OMA1: variants seen among roughly 807,000 people sequenced by gnomAD.
The protein encoded by OMA1 is OMA1 zinc metallopeptidase, also known as metalloendopeptidase OMA1, mitochondrial.
OMA1 carries 38 observed loss-of-function variants against 30.9 expected under a neutral mutation model. The observed-to-expected ratio is 1.23, with a 90% CI of 0.95 to 1.61. The LOEUF (loss-of-function observed/expected upper bound fraction) is 1.61, where lower values mean the gene tolerates loss of function less well. OMA1 is among the 40% of genes most tolerant of loss of function. OMA1 has a pLI of 0.00. For missense variants in OMA1, 461 were observed against 349.2 expected (o/e 1.32, Z -2.55); for synonymous variants, 173 against 121.9 (o/e 1.42, Z -2.76).
chr1:58,509,636 AG>A (rs777333177), intron 7 of OMA1, among the ~76,000 whole-genome samples: 44 of 151,548 alleles, frequency 2.9e-4, no homozygotes, highest in Non-Finnish European at 5.5e-4. Context: ...AGTTTACAGA[AG>A]GAGGGAAATA....
Position 58,505,981 on chromosome 1 carries a change from A to G in OMA1, c.1365+79T>C, listed in dbSNP as rs1645982384. 5.4e-6 allele frequency: 4 copies of G among 744,536 alleles called. No homozygotes were observed. In the South Asian group the frequency reaches 7.1e-5, roughly 13 times the overall value. 46.1% of individuals were successfully genotyped at this position (744,536 alleles called of 1,614,324 possible). ...AGTTAATAGGCTAGAACTCTCTTTT[A>G]CTAAGCAAAAGAAGTGACAGCATTA... On this transcript the variant is annotated intron_variant, in intron 8 of 8. Transcript: ENST00000371226.
chr1:58,502,404 T>C (rs1021744169), intron 8 of OMA1, among the ~76,000 whole-genome samples: 2 of 152,228 alleles, frequency 1.3e-5, no homozygotes, highest in Admixed American at 1.3e-4. Context: ...AACTCATCCA[T>C]TCTCATTGCT....
chr1:58,504,769 C>T (rs986054118), intron 8 of OMA1, among the ~76,000 whole-genome samples: 3 of 152,090 alleles, frequency 2.0e-5, no homozygotes, highest in South Asian at 2.1e-4. Context: ...AACTGCATAC[C>T]GTTTTTATTT....
At position 58,481,201 on chromosome 1, in the gene OMA1, AT is replaced by A. The variant is rs753317088; in HGVS notation, c.1366-28del. On this transcript the variant is annotated intron_variant, in intron 8 of 8. Coordinates refer to ENST00000371226, the MANE Select transcript of OMA1 (RefSeq NM_145243.5). ...TATAAAGAAATAATAAAATAAAAAAATACTATATATATACATCAATGTATTC... is the reference window on the plus strand; with the variant it reads ...TATAAAGAAATAATAAAATAAAAAAAACTATATATATACATCAATGTATTC... 215 of 723,140 alleles carry A rather than the reference AT, an allele frequency of 3.0e-4. 1 individual carries two copies. The highest frequency in any genetic ancestry group is 1.7e-4 in the Admixed American group (7 of 42,132). The allele number at this position is 723,140 out of a possible 1,614,324, so 44.8% of individuals were successfully genotyped here.
intron 8 of OMA1, among the ~76,000 whole-genome samples, chr1:58,495,700 A>AT (rs1645788404): frequency 6.9e-6 from 1 of 144,522 alleles, no homozygotes. Flanking sequence ...ATCTTCCACC[A>AT]TAAAAAAAAA....
intron 8 of OMA1, among the ~76,000 whole-genome samples, chr1:58,501,355 T>G (rs912250165): frequency 5.3e-5 from 8 of 152,214 alleles, no homozygotes; most frequent in Non-Finnish European, 4.4e-5. Flanking sequence ...AAAATTATAT[T>G]ATGGTACTGT....
chr1:58,494,453 A>G (rs1460982295), intron 8 of OMA1, among the ~76,000 whole-genome samples: 1 of 152,228 alleles, frequency 6.6e-6, no homozygotes, highest in Non-Finnish European at 1.5e-5. Context: ...CTGCACAGCA[A>G]AAGAAACTAC....
At chr1:58,533,240 G>A (rs1028623891) in intron 5 of OMA1, among the ~76,000 whole-genome samples, 3 of 152,148 alleles carry the variant, frequency 2.0e-5, no homozygotes, top group African/African-American at 4.8e-5. Flanking sequence ...TAAGAAAAGC[G>A]CTGCTAAAAA....
At chr1:58,506,393 C>T (rs368019744) in intron 7 of OMA1, among the ~76,000 whole-genome samples, 184 bp from the exon 8 acceptor site, 5 of 152,128 alleles carry the variant, frequency 3.3e-5, no homozygotes, top group Non-Finnish European at 7.4e-5. Flanking sequence ...CCCATTAACT[C>T]GTCATTTAGC....
At chr1:58,489,248 A>G (rs1345996151) in intron 8 of OMA1, among the ~76,000 whole-genome samples, 1 of 152,178 alleles carries the variant, frequency 6.6e-6, no homozygotes, top group Non-Finnish European at 1.5e-5. Context: ...CCACCCTAAT[A>G]CTGCAATTTT....
chr1:58,541,442 T>G, intron 1 of OMA1: 1 of 136,786 alleles, frequency 7.3e-6, no homozygotes, highest in Non-Finnish European at 1.6e-5. Context: ...GCTTGAGGAG[T>G]TGTAGGAAAA....
intron 7 of OMA1, among the ~76,000 whole-genome samples, chr1:58,507,838 T>C (rs965667540): frequency 8.5e-5 from 13 of 152,124 alleles, no homozygotes; most frequent in Non-Finnish European, 1.6e-4. Context: ...TTAACAAGTA[T>C]TCTTCTCAAA....
chr1:58,543,608 G>A (rs1010193887), intron 1 of OMA1, among the ~76,000 whole-genome samples: 2 of 151,992 alleles, frequency 1.3e-5, no homozygotes, highest in South Asian at 2.1e-4. Context: ...TGCAAACCCT[G>A]GCAACAGAAT....
At position 58,515,784 on chromosome 1, in the gene OMA1, T is replaced by C. The variant is rs1255187204; in HGVS notation, c.1216-9575A>G. ...TAAGGGTCTTCCTACTAACTAGGTA[T>C]AGGTTATTAGATAAATCACTTTACA... On this transcript the variant is annotated intron_variant, in intron 7 of 8. Transcript: ENST00000371226. Among the ~76,000 whole-genome samples the C allele has an allele frequency of 2.6e-5, 4 of 152,320 alleles. No individual in the cohort carries two copies. The East Asian group carries it at 7.7e-4, about 29-fold the overall frequency.
intron 7 of OMA1, among the ~76,000 whole-genome samples, chr1:58,525,812 A>G (rs2100462313): frequency 6.6e-6 from 1 of 152,246 alleles, no homozygotes; most frequent in Non-Finnish European, 1.5e-5. Flanking sequence ...AGGTATCAAC[A>G]CTTACTACAA....
rs187746863 is a variant in OMA1 at position 58,528,317 on chromosome 1, T to C, written c.1141-982A>G. The stretch of plus-strand genomic sequence containing the variant: ...TAACTTATTGTTAACCCTGAGCTAA[T>C]TGTTTAACCCTGCTAAACCCAGTAG... On this transcript the variant is annotated intron_variant, in intron 6 of 8. Transcript: ENST00000371226. 1.6e-4 allele frequency among the ~76,000 whole-genome samples: 25 copies of C among 152,342 alleles called. No individual in the cohort carries two copies. The East Asian group carries it at 1.7e-3, about 11-fold the overall frequency.
chr1:58,517,002 T>C (rs1046775111), intron 7 of OMA1, among the ~76,000 whole-genome samples: 14 of 152,132 alleles, frequency 9.2e-5, no homozygotes, highest in Non-Finnish European at 1.3e-4. Context: ...AATGCTACAA[T>C]GGCAAGAAGT....
chr1:58,529,655 C>T (rs1646402561), intron 6 of OMA1, among the ~76,000 whole-genome samples: 1 of 152,150 alleles, frequency 6.6e-6, no homozygotes, highest in Non-Finnish European at 1.5e-5. Context: ...CATTAAAACC[C>T]AAATACAGTT....
In OMA1 at chr1:58,480,775, CAT is replaced by C. The variant is rs1645466093; in HGVS notation, c.*188_*189del. The stretch of plus-strand genomic sequence containing the variant: ...ATTTTCCTCATTGAAGATATTTTAA[CAT>C]AGATTAAAATACATCAATATTTCAT... On this transcript the variant is annotated 3_prime_UTR_variant, in exon 9 of 9. Coordinates refer to ENST00000371226, the MANE Select transcript of OMA1 (RefSeq NM_145243.5). The C allele has an allele frequency of 4.5e-6, 2 of 447,266 alleles. No homozygotes were observed. Among genetic ancestry groups the C allele is most frequent in the Non-Finnish European group, 7.7e-6 (2 of 258,732 alleles). 27.7% of individuals were successfully genotyped at this position (447,266 alleles called of 1,614,324 possible).
Sources: gnomAD v4.1 joint callset for allele counts (sites outside exome capture counted in the v4.1 genomes callset) on GRCh38, gnomAD v4.1.1 for gene constraint, MANE v1.5 for transcripts, NCBI Gene and HGNC (gene_info 2026-07-23, HGNC 2026-07-21) for gene names.